EXT2: variants seen among roughly 807,000 people sequenced by gnomAD.
The protein encoded by EXT2 is exostosin-2.
A neutral mutation model predicts 81.6 loss-of-function variants in EXT2; 53 were observed. The ratio of observed to expected loss-of-function variants is 0.65; its 90% CI spans 0.52 to 0.82. The LOEUF (loss-of-function observed/expected upper bound fraction) is 0.82. Ranked by LOEUF, EXT2 falls within the 40% of genes least tolerant of loss-of-function variation. The pLI is 0.00. For synonymous variants in EXT2, 320 were observed against 340.0 expected (o/e 0.94, Z 0.65); for missense variants, 774 against 910.2 (o/e 0.85, Z 1.93).
intron 4 of EXT2, among the ~76,000 whole-genome samples, chr11:44,119,155 TATATATATATATATAC>T (rs1323151763): frequency 0.026 from 1,189 of 45,230 alleles, 83 homozygotes; most frequent in Non-Finnish European, 0.047. Context: ...TATATATATA[TATATATATATATATAC>T]ACATACACAC....
intron 7 of EXT2, among the ~76,000 whole-genome samples, chr11:44,138,213 G>A (rs529777190): frequency 1.3e-5 from 2 of 152,148 alleles, no homozygotes; most frequent in African/African-American, 2.4e-5. Flanking sequence ...AGGGAAGGAC[G>A]GTAACTAACA....
rs760770173 is a variant in EXT2, at chr11:44,244,334, G to C, written c.*47G>C. The C allele has an allele frequency of 8.1e-6, 13 of 1,606,264 alleles. No individual in the cohort carries two copies. In the East Asian group the frequency reaches 2.0e-4, roughly 25 times the overall value. ...TGAATGTGAGGCTGGGACAGAGGGA[G>C]AGAACAAGGCCTCCCAGCACTCTGA... On this transcript the variant is annotated 3_prime_UTR_variant, in exon 14 of 14. Transcript: ENST00000533608.
intron 4 of EXT2, among the ~76,000 whole-genome samples, chr11:44,124,283 C>T (rs1314563768): frequency 1.3e-5 from 2 of 152,152 alleles, no homozygotes; most frequent in South Asian, 4.1e-4. Context: ...CCAGGAGCAG[C>T]CCTTTCCAGA....
At chr11:44,173,301 G>T (rs775065383) in intron 8 of EXT2, among the ~76,000 whole-genome samples, 1 of 152,116 alleles carries the variant, frequency 6.6e-6, no homozygotes, top group African/African-American at 2.4e-5. Flanking sequence ...CTATCTCCCC[G>T]ACTCCATTAC....
intron 7 of EXT2, among the ~76,000 whole-genome samples, chr11:44,147,512 T>C (rs972998444): frequency 1.3e-5 from 2 of 152,194 alleles, no homozygotes; most frequent in Admixed American, 1.3e-4. Flanking sequence ...AGCCATATTA[T>C]ATGCATTAAT....
At chr11:44,240,346 A>C (rs1265345636) in intron 13 of EXT2, among the ~76,000 whole-genome samples, 2 of 152,228 alleles carry the variant, frequency 1.3e-5, no homozygotes, top group African/African-American at 4.8e-5. Flanking sequence ...GGAAGGAACA[A>C]GGAACAGGCA....
chr11:44,124,383 G>A (rs1002265609), intron 4 of EXT2, among the ~76,000 whole-genome samples: 1 of 151,358 alleles, frequency 6.6e-6, no homozygotes, highest in African/African-American at 2.4e-5. Flanking sequence ...TTTCAGATCA[G>A]GGACTCAGAT....
intron 8 of EXT2, among the ~76,000 whole-genome samples, chr11:44,188,841 A>C (rs1239852079): frequency 6.6e-6 from 1 of 152,226 alleles, no homozygotes; most frequent in African/African-American, 2.4e-5. Context: ...GCTGAGTTCC[A>C]GAAGAAGAGG....
intron 10 of EXT2, among the ~76,000 whole-genome samples, chr11:44,207,815 A>T (rs919117199): frequency 6.6e-6 from 1 of 152,148 alleles, no homozygotes; most frequent in African/African-American, 2.4e-5. Flanking sequence ...ATTTTTAAAC[A>T]CTTAAATTGA....
intron 9 of EXT2, among the ~76,000 whole-genome samples, chr11:44,205,927 T>A (rs1955577392): frequency 6.6e-6 from 1 of 152,238 alleles, no homozygotes; most frequent in Non-Finnish European, 1.5e-5. Flanking sequence ...ATGAATTTCA[T>A]GCTATGCTAA....
At chr11:44,180,329 A>G (rs1955218316) in intron 8 of EXT2, among the ~76,000 whole-genome samples, 1 of 152,032 alleles carries the variant, frequency 6.6e-6, no homozygotes, top group African/African-American at 2.4e-5. Flanking sequence ...TTAAAGTGGT[A>G]TTTATTATAT....
At chr11:44,095,954 GCC>G in intron 1 of EXT2, 102 bp downstream of exon 1, 1 of 420,822 alleles carries the variant, frequency 2.4e-6, no homozygotes, top group Non-Finnish European at 4.4e-6. Flanking sequence ...AGGGAGCGCG[GCC>G]GCGCGGAGGC....
At chr11:44,212,728 G>T (rs1167608732) in intron 10 of EXT2, among the ~76,000 whole-genome samples, 1 of 152,162 alleles carries the variant, frequency 6.6e-6, no homozygotes, top group Non-Finnish European at 1.5e-5. Context: ...CTATACAGGG[G>T]AGTACTACAC....
At chr11:44,102,622 A>G (rs1362908720) in intron 1 of EXT2, among the ~76,000 whole-genome samples, 2 of 148,704 alleles carry the variant, frequency 1.3e-5, no homozygotes, top group Non-Finnish European at 3.0e-5. Context: ...GATACTTAAG[A>G]CTAACATAGT....
At position 44,119,169 on chromosome 11, in the gene EXT2, T is replaced by TATACAC. The variant is rs1192115471; in HGVS notation, c.743+4869_743+4870insTACACA. Among the ~76,000 whole-genome samples the TATACAC allele has an allele frequency of 3.5e-4, 22 of 63,134 alleles. 1 individual carries two copies. In the East Asian group the frequency reaches 4.0e-3, roughly 11 times the overall value. 41.4% of individuals were successfully genotyped at this position (63,134 alleles called of 152,430 possible). On this transcript the variant is annotated intron_variant, in intron 4 of 13. Coordinates refer to ENST00000533608, the MANE Select transcript of EXT2 (RefSeq NM_207122.2). Reference sequence around the variant, plus strand: ...ATATATATATATATATATATATATATACACATACACACACACACACACACA... The same window carrying TATACAC: ...ATATATATATATATATATATATATATATACACACACATACACACACACACACACACA...
rs577571421 is a variant in EXT2, at chr11:44,210,278, T to C, written c.1662+3319T>C. Among the ~76,000 whole-genome samples the C allele has an allele frequency of 2.6e-4, 39 of 152,338 alleles. No individual in the cohort carries two copies. In the South Asian group the frequency reaches 4.4e-3, roughly 17 times the overall value. On this transcript the variant is annotated intron_variant, in intron 10 of 13. Coordinates refer to ENST00000533608, the MANE Select transcript of EXT2 (RefSeq NM_207122.2). ...TATCAACAGTTAACTGGATAAACAT[T>C]GTGATACATCCATAGAGTAGAATAT...
intron 7 of EXT2, among the ~76,000 whole-genome samples, chr11:44,159,648 G>A (rs927061243): frequency 6.6e-6 from 1 of 152,134 alleles, no homozygotes; most frequent in Non-Finnish European, 1.5e-5. Flanking sequence ...ATTCTGGTTT[G>A]ATGCTTACTC....
At chr11:44,107,303 T>G (rs1323832474) in intron 1 of EXT2, among the ~76,000 whole-genome samples, 3 of 152,056 alleles carry the variant, frequency 2.0e-5, no homozygotes, top group Admixed American at 6.6e-5. Flanking sequence ...ATAGGTACAT[T>G]AAAAGTAGAG....
intron 3 of EXT2, among the ~76,000 whole-genome samples, chr11:44,112,072 G>A (rs1216157629): frequency 6.6e-6 from 1 of 152,202 alleles, no homozygotes; most frequent in African/African-American, 2.4e-5. Context: ...AAAACCTGAA[G>A]CTTTATATTT....
Sources: allele counts gnomAD v4.1 joint callset (sites outside exome capture counted in the v4.1 genomes callset), GRCh38; gene constraint gnomAD v4.1.1; transcripts MANE v1.5; gene names NCBI Gene and HGNC (gene_info 2026-07-23, HGNC 2026-07-21).